BAIAP2L1: variants seen among roughly 807,000 people sequenced by gnomAD.
The protein encoded by BAIAP2L1 is BAR/IMD domain-containing adapter protein 2-like 1.
A neutral mutation model predicts 66.3 loss-of-function variants in BAIAP2L1; 35 were observed. The observed-to-expected ratio is 0.53, with a 90% CI of 0.40 to 0.70. The LOEUF is 0.70. Among genes scored for constraint, BAIAP2L1 ranks in the 30% least tolerant of loss-of-function variants. The pLI, the probability that BAIAP2L1 is intolerant of heterozygous loss-of-function variation, is 0.00. For synonymous variants in BAIAP2L1, 269 were observed against 248.7 expected, an observed-to-expected ratio of 1.08 and a Z score of -0.77; for missense variants, 622 against 656.9, an observed-to-expected ratio of 0.95 and a Z score of 0.58.
In BAIAP2L1 at chr7:98,397,079, CAT is replaced by C. The variant is rs373341547; in HGVS notation, c.51+3721_51+3722del. 4.3e-3 allele frequency among the ~76,000 whole-genome samples: 660 copies of C among 152,174 alleles called. 1 individual carries two copies. Among genetic ancestry groups the C allele is most frequent in the African/African-American group, 0.015 (625 of 41,522 alleles). On this transcript the variant is annotated intron_variant, in intron 1 of 13. Coordinates refer to ENST00000005260, the MANE Select transcript of BAIAP2L1 (RefSeq NM_018842.5). ...TGGGGTGGGAAGAGAGGGAAAGAAACATAAATAAATACATCACATAGCCTATT... is the reference window on the plus strand; with the variant it reads ...TGGGGTGGGAAGAGAGGGAAAGAAACAAATAAATACATCACATAGCCTATT...
intron 6 of BAIAP2L1, 87 bp downstream of exon 6, chr7:98,317,132 C>T (rs982529490): frequency 1.9e-5 from 29 of 1,542,476 alleles, no homozygotes; most frequent in East Asian, 1.4e-4. Context: ...GGATTACAGG[C>T]GTGAGCCACC....
At chr7:98,313,982 C>CTTTT (rs35599338) in intron 7 of BAIAP2L1, among the ~76,000 whole-genome samples, 18 of 100,964 alleles carry the variant, frequency 1.8e-4, no homozygotes, top group East Asian at 2.7e-4. Flanking sequence ...CTTTTTCTTC[C>CTTTT]TTTTTTTTTT....
chr7:98,359,034 C>A (rs1476914227), intron 2 of BAIAP2L1, among the ~76,000 whole-genome samples: 1 of 152,186 alleles, frequency 6.6e-6, no homozygotes, highest in Admixed American at 6.5e-5. Flanking sequence ...CAGAGTCTGG[C>A]CTCCTTGAAG....
At chr7:98,352,804 G>A (rs1238003684) in intron 3 of BAIAP2L1, among the ~76,000 whole-genome samples, 2 of 152,076 alleles carry the variant, frequency 1.3e-5, no homozygotes, top group African/African-American at 2.4e-5. Flanking sequence ...AGGAACTCAC[G>A]ACTGACTCAA....
chr7:98,317,128 C>T (rs1801098199), intron 6 of BAIAP2L1, 91 bp downstream of exon 6: 2 of 1,523,610 alleles, frequency 1.3e-6, no homozygotes, highest in Admixed American at 1.7e-5. Flanking sequence ...GCTGGGATTA[C>T]AGGCGTGAGC....
chr7:98,312,325 T>C (rs924548718), intron 7 of BAIAP2L1, 61 bp from the exon 8 acceptor site: 3 of 1,516,866 alleles, frequency 2.0e-6, no homozygotes. Flanking sequence ...CTGAGAAAAA[T>C]GACATCACGT....
At chr7:98,376,150 G>T (rs2107718) in intron 1 of BAIAP2L1, among the ~76,000 whole-genome samples, 1 of 151,856 alleles carries the variant, frequency 6.6e-6, no homozygotes, top group Non-Finnish European at 1.5e-5. Context: ...ACTTCTACAC[G>T]GTATCCCTTT....
chr7:98,363,586 C>T (rs1364181459), intron 1 of BAIAP2L1, among the ~76,000 whole-genome samples: 1 of 152,108 alleles, frequency 6.6e-6, no homozygotes, highest in Non-Finnish European at 1.5e-5. Context: ...TTTTAAAATA[C>T]CCTAACTTTG....
intron 12 of BAIAP2L1, among the ~76,000 whole-genome samples, chr7:98,299,734 G>A (rs75017268): frequency 0.013 from 2,034 of 152,230 alleles, 17 homozygotes; most frequent in Non-Finnish European, 0.022. Flanking sequence ...ACCACTAGCT[G>A]TATATGGCTA....
intron 2 of BAIAP2L1, among the ~76,000 whole-genome samples, chr7:98,358,359 TG>T (rs1353997019): frequency 3.3e-5 from 5 of 151,486 alleles, no homozygotes; most frequent in Admixed American, 1.3e-4. Context: ...ATTAGTTTTT[TG>T]TTTTTTTTTT....
At chr7:98,314,749 G>A (rs1801009854) in intron 7 of BAIAP2L1, among the ~76,000 whole-genome samples, 1 of 152,138 alleles carries the variant, frequency 6.6e-6, no homozygotes, top group Non-Finnish European at 1.5e-5. Flanking sequence ...GACCCATGAA[G>A]GGAGCATCTC....
chr7:98,399,109 G>A (rs890030274), intron 1 of BAIAP2L1, among the ~76,000 whole-genome samples: 5 of 152,148 alleles, frequency 3.3e-5, no homozygotes, highest in Admixed American at 2.0e-4. Flanking sequence ...AACGTCTTCC[G>A]GGTCATTTAA....
At chr7:98,359,730 C>T (rs1300638725) in intron 2 of BAIAP2L1, among the ~76,000 whole-genome samples, 3 of 148,350 alleles carry the variant, frequency 2.0e-5, no homozygotes, top group African/African-American at 7.4e-5. Context: ...CCTAGCCATT[C>T]ACCTGTAGAC....
intron 12 of BAIAP2L1, among the ~76,000 whole-genome samples, chr7:98,303,907 A>G (rs1230973496): frequency 1.3e-5 from 2 of 152,230 alleles, no homozygotes; most frequent in African/African-American, 4.8e-5. Context: ...GGCAGGAAAG[A>G]TAAGAAACCT....
chr7:98,308,668 ATAT>A (rs1562968015), intron 9 of BAIAP2L1: 7 of 230,900 alleles, frequency 3.0e-5, no homozygotes, highest in Non-Finnish European at 6.1e-5. Context: ...GTAGAAAAAA[ATAT>A]ATATATATGT....
chr7:98,304,084 C>G, intron 12 of BAIAP2L1, 112 bp downstream of exon 12: 2 of 1,168,788 alleles, frequency 1.7e-6, no homozygotes, highest in African/African-American at 3.2e-5. Context: ...CCCGGGGACA[C>G]CACTCTCCCC....
intron 1 of BAIAP2L1, among the ~76,000 whole-genome samples, chr7:98,375,121 C>A (rs1481544575): frequency 6.6e-6 from 1 of 151,464 alleles, no homozygotes; most frequent in Non-Finnish European, 1.5e-5. Context: ...AAAGGCCAGG[C>A]GTGGTGGCTC....
chr7:98,317,234 T>A lies in BAIAP2L1; in HGVS notation c.471A>T (p.Glu157Asp), dbSNP rs1472720346. Residue 157 changes from glutamate to aspartate, a missense_variant, in exon 6 of 14, where the codon GAA (glutamate) becomes GAT (aspartate). Physicochemically the swap from Glu to Asp is conservative, Grantham distance 45. Coordinates refer to ENST00000005260, the MANE Select transcript of BAIAP2L1 (RefSeq NM_018842.5). ...AAAAGCTCACCTCAATTTCTTTGTG[T>A]TCATATTTGAGTGCGTTTCGGCTTC... is the stretch of plus-strand genomic sequence containing the variant. ...SQGSRNALKYEHKEIEYVETV... is the reference protein window; with the variant it reads ...SQGSRNALKYDHKEIEYVETV... The A allele has an allele frequency of 1.9e-6, 3 of 1,614,126 alleles. No individual in the cohort carries two copies. The African/African-American group carries it at 4.0e-5, about 22-fold the overall frequency.
chr7:98,324,484 T>C (rs538789517), intron 3 of BAIAP2L1, among the ~76,000 whole-genome samples: 1 of 152,258 alleles, frequency 6.6e-6, no homozygotes, highest in South Asian at 2.1e-4. Flanking sequence ...ATTTAGCCAA[T>C]AGGTGGTATG....
Sources: allele counts gnomAD v4.1 joint callset (sites outside exome capture counted in the v4.1 genomes callset), GRCh38; gene constraint gnomAD v4.1.1; transcripts MANE v1.5; gene names NCBI Gene and HGNC (gene_info 2026-07-23, HGNC 2026-07-21).